Variants in AKT1S1 observed in about 807,000 individuals in gnomAD.
AKT1S1 encodes the protein proline-rich AKT1 substrate 1.
A neutral mutation model predicts 21.2 loss-of-function variants in AKT1S1; 17 were observed. That is an observed-to-expected ratio of 0.80 (90% CI 0.55 to 1.20). The LOEUF (loss-of-function observed/expected upper bound fraction) is 1.20, where lower values mean the gene tolerates loss of function less well. AKT1S1 is among the 50% of genes most tolerant of loss of function. AKT1S1 has a pLI of 0.00. For missense variants in AKT1S1, 366 were observed against 368.3 expected (o/e 0.99, Z 0.05); for synonymous variants, 181 against 165.6 (o/e 1.09, Z -0.72).
In AKT1S1 at chr19:49,870,070, C is replaced by T. The variant is rs566001498; in HGVS notation, c.628-10G>A. 3 of 1,515,356 alleles carry T rather than the reference C, an allele frequency of 2.0e-6. No individual in the cohort carries two copies. The highest frequency in any genetic ancestry group is 2.8e-5 in the African/African-American group (2 of 70,200). The allele number at this position is 1,515,356 out of a possible 1,614,324, so 93.9% of individuals were successfully genotyped here. On this transcript the variant is annotated splice_polypyrimidine_tract_variant and intron_variant, in intron 4 of 4. Transcript: ENST00000344175. Reference sequence around the variant, plus strand: ...GGTCGGGCGAAGAGGGCTGCGGGGACGGCGACGGGGCGAGGTCAGCGCCGG... The same window carrying T: ...GGTCGGGCGAAGAGGGCTGCGGGGATGGCGACGGGGCGAGGTCAGCGCCGG...
Position 49,873,529 on chromosome 19 carries a change from G to A in AKT1S1, c.-7-227C>T, listed in dbSNP as rs188274931. 3.1e-4 allele frequency: 237 copies of A among 764,654 alleles called. 3 individuals carry two copies. In the East Asian group the frequency reaches 7.9e-3, roughly 25 times the overall value. 47.4% of individuals were successfully genotyped at this position (764,654 alleles called of 1,614,324 possible). On this transcript the variant is annotated intron_variant, in intron 1 of 4. Transcript: ENST00000344175. This position sits in a 1 kb window ranked among gnomAD's most constrained non-coding sequence, Gnocchi z 6.9. ...TCCTCTGCCCCAACCCATTCCTCCTGCCCCAAGTCACTGTACTCCTTCCCC... is the reference window on the plus strand; with the variant it reads ...TCCTCTGCCCCAACCCATTCCTCCTACCCCAAGTCACTGTACTCCTTCCCC...
chr19:49,876,154 G>C (rs772722403), intron 1 of AKT1S1: 254 of 999,088 alleles, frequency 2.5e-4, no homozygotes, highest in Middle Eastern at 2.5e-3. Flanking sequence ...GTAGCCATGG[G>C]GTGAGCGCCT....
chr19:49,878,301 T>C, upstream of AKT1S1: 1 of 1,483,790 alleles, frequency 6.7e-7, no homozygotes, highest in Non-Finnish European at 9.2e-7. Flanking sequence ...CGGTCTGGGA[T>C]GCAGGCGGCA....
chr19:49,877,945 T>A, upstream of AKT1S1: 1 of 656,300 alleles, frequency 1.5e-6, no homozygotes. Context: ...CTCAGGCGAC[T>A]CCTTGAGCCC....
chr19:49,871,501 G>A, intron 4 of AKT1S1, 46 bp downstream of exon 4: 11 of 1,611,150 alleles, frequency 6.8e-6, no homozygotes, highest in Non-Finnish European at 5.1e-6. Context: ...AGGCGGCTCA[G>A]AGCCCTTCCA....
intron 1 of AKT1S1, chr19:49,876,805 A>G (rs2122402298): frequency 2.3e-6 from 2 of 876,786 alleles, no homozygotes; most frequent in East Asian, 6.6e-5. Flanking sequence ...GCCCCTAAGA[A>G]AAATGGCCCC....
In AKT1S1 at chr19:49,870,937, A is replaced by AG. The variant is rs534113708; in HGVS notation, c.627+609dup. ...TTGCATATAAGGACACTGAGGCTTGAGGGGGGGACTGTGGGGACCCAGGCC... is the reference window on the plus strand; with the variant it reads ...TTGCATATAAGGACACTGAGGCTTGAGGGGGGGGACTGTGGGGACCCAGGCC... On this transcript the variant is annotated intron_variant, in intron 4 of 4. Coordinates refer to ENST00000344175, the MANE Select transcript of AKT1S1 (RefSeq NM_001098633.4). Among the ~76,000 whole-genome samples, 29 of 152,210 alleles carry AG rather than the reference A, an allele frequency of 1.9e-4. No individual in the cohort carries two copies. The South Asian group carries it at 5.6e-3, about 29-fold the overall frequency.
At chr19:49,871,515 GCCCT>G in intron 4 of AKT1S1, 28 bp downstream of exon 4, 1 of 1,612,792 alleles carries the variant, frequency 6.2e-7, no homozygotes, top group Non-Finnish European at 8.5e-7. Context: ...CCTTCCAGCT[GCCCT>G]CCCTACCTCC....
At chr19:49,875,796 A>G (rs3810267) in intron 1 of AKT1S1, 438,919 of 966,110 alleles carry the variant, frequency 0.45, 102,152 homozygotes, top group African/African-American at 0.7. Flanking sequence ...ACTTCCACAG[A>G]CCTCTTTGCC....
rs1319567775 is a variant in AKT1S1 at position 49,872,935 on chromosome 19, C to A, written c.361G>T (p.Gly121Cys). 2 of 1,601,952 alleles carry A rather than the reference C, an allele frequency of 1.2e-6. No homozygotes were observed. The highest frequency in any genetic ancestry group is 1.7e-6 in the Non-Finnish European group (2 of 1,178,684). ...CTCTCACCTCCATTATCACTAATGC[C>A]CAGCTGCTCCCCGGAGGTCTCTGTC... ...TETETSGEQL[G>C]ISDNGGLFVM... is the part of the protein sequence containing the mutation. Residue 121 changes from glycine (G) to cysteine (C), a missense_variant, in exon 2 of 5, where the codon GGC becomes TGC. By Grantham distance (159) the Gly-to-Cys change is radical (BLOSUM62 -3). Coordinates refer to ENST00000344175, the MANE Select transcript of AKT1S1 (RefSeq NM_001098633.4).
chr19:49,877,421 C>A (rs2074962208), upstream of AKT1S1: 6 of 447,638 alleles, frequency 1.3e-5, no homozygotes, highest in Admixed American at 4.1e-5. Flanking sequence ...GGCGTGCTTG[C>A]CCCAGGTGGT....
upstream of AKT1S1, chr19:49,878,313 C>T: frequency 6.9e-7 from 1 of 1,443,114 alleles, no homozygotes; most frequent in Non-Finnish European, 9.5e-7. Flanking sequence ...CAGGCGGCAG[C>T]TGTAGGAGTT....
In AKT1S1 at chr19:49,872,653, T is replaced by G. The variant is rs59029958; in HGVS notation, c.379+264A>C. On this transcript the variant is annotated intron_variant, in intron 2 of 4. Coordinates refer to ENST00000344175, the MANE Select transcript of AKT1S1 (RefSeq NM_001098633.4). ...TTCCTTGGCTAGACCGGGAGCCCCT[T>G]GAGAAAAAAGCCCGAGCCTGCTCTG... Among the ~76,000 whole-genome samples the G allele has an allele frequency of 8.1e-3, 1,233 of 152,072 alleles. 21 individuals are homozygous for G. Among genetic ancestry groups the G allele is most frequent in the African/African-American group, 0.028 (1,172 of 41,462 alleles).
chr19:49,876,305 C>T (rs912858948), intron 1 of AKT1S1: 15 of 1,195,696 alleles, frequency 1.3e-5, no homozygotes, highest in African/African-American at 3.1e-5. Context: ...GTGAGGGGCG[C>T]CCCGAGGCCC....
At position 49,872,512 on chromosome 19, in the gene AKT1S1, T is replaced by C. The variant is rs567307463; in HGVS notation, c.379+405A>G. Among the ~76,000 whole-genome samples, 4 of 151,630 alleles carry C rather than the reference T, an allele frequency of 2.6e-5. No individual in the cohort carries two copies. The South Asian group carries it at 8.5e-4, about 32-fold the overall frequency. ...CTCCCTCCCTGGCTTCCTCAGATGT[T>C]GGCTGCATCCCAGACAACTCTTTAA... On this transcript the variant is annotated intron_variant, in intron 2 of 4. Transcript: ENST00000344175.
intron 1 of AKT1S1, chr19:49,876,528 C>T: frequency 1.4e-6 from 2 of 1,454,908 alleles, no homozygotes; most frequent in Non-Finnish European, 1.8e-6. Context: ...GAGCCGCTCG[C>T]CCTCCCAGCG....
intron 2 of AKT1S1, among the ~76,000 whole-genome samples, chr19:49,872,201 CCT>C (rs1269837378): frequency 5.3e-5 from 8 of 152,158 alleles, no homozygotes; most frequent in Admixed American, 1.3e-4. Context: ...ATGACTATGA[CCT>C]CTGTTTCACA....
In AKT1S1 at chr19:49,870,827, G is replaced by A. The variant is rs149130546; in HGVS notation, c.627+720C>T. On this transcript the variant is annotated intron_variant, in intron 4 of 4. Transcript: ENST00000344175. The stretch of plus-strand genomic sequence containing the variant: ...GAGCAGCAGCAGGTGGACCCCGCCC[G>A]CACCAGGCCCTGTTCCTGGTCTTCA... Among the ~76,000 whole-genome samples, 80 of 152,322 alleles carry A rather than the reference G, an allele frequency of 5.3e-4. No homozygotes were observed. In the East Asian group the frequency reaches 0.012, roughly 22 times the overall value.
At chr19:49,877,957 G>T (rs1436321240), upstream of AKT1S1, 1 of 714,574 alleles carries the variant, frequency 1.4e-6, no homozygotes, top group South Asian at 1.9e-5. Flanking sequence ...CTTGAGCCCT[G>T]CCCCCTGTGG....
Sources: gnomAD v4.1 joint callset for allele counts (sites outside exome capture counted in the v4.1 genomes callset) on GRCh38, gnomAD v4.1.1 for gene constraint, Gnocchi (gnomAD v3.1) non-coding constraint, MANE v1.5 for transcripts, NCBI Gene and HGNC (gene_info 2026-07-23, HGNC 2026-07-21) for gene names.